The following SPOUT1 variants were observed in gnomAD, a reference collection of about 807,000 sequenced individuals.
SPOUT1 encodes 28S rRNA (uridine-N(3))-methyltransferase.
SPOUT1 carries 40 observed loss-of-function variants against 54.8 expected under a neutral mutation model. The observed-to-expected ratio is 0.73, with a 90% confidence interval of 0.57 to 0.95. The LOEUF (loss-of-function observed/expected upper bound fraction) is 0.95. SPOUT1 is among the 40% of genes least tolerant of loss of function. The probability of loss-of-function intolerance (pLI) is 0.00; values close to 1 mark genes in which losing one functional copy is unlikely to be tolerated. For synonymous variants in SPOUT1, 193 were observed against 200.3 expected (o/e 0.96, Z 0.31); for missense variants, 437 against 499.5 (o/e 0.87, Z 1.19).
chr9:128,827,907 C>G (rs560402969), intron 3 of SPOUT1, among the ~76,000 whole-genome samples: 1 of 152,076 alleles, frequency 6.6e-6, no homozygotes, highest in Non-Finnish European at 1.5e-5. Flanking sequence ...GGCAACAGAG[C>G]GAGACTGTGT....
chr9:128,820,809 A>T lies in SPOUT1; in HGVS notation c.*1956T>A. The T allele has an allele frequency of 1.9e-6, 3 of 1,612,358 alleles. No individual in the cohort carries two copies. Among genetic ancestry groups the T allele is most frequent in the South Asian group, 1.1e-5 (1 of 90,598 alleles). ...AGCCGCAGCTTGACCCGCAGCTACC[A>T]AAACGTCTATGTCTGCACAGGGCCA... On this transcript the variant is annotated 3_prime_UTR_variant, in exon 12 of 12. Transcript: ENST00000361256.
chr9:128,822,194 C>G lies in SPOUT1; in HGVS notation c.*571G>C. 1 of 1,053,206 alleles carries G rather than the reference C, an allele frequency of 9.5e-7. No homozygotes were observed. Among genetic ancestry groups the G allele is most frequent in the Middle Eastern group, 3.1e-4 (1 of 3,230 alleles). The allele number at this position is 1,053,206 out of a possible 1,614,324, so 65.2% of individuals were successfully genotyped here. ...CCTCAAGGAGGAGCCAGGCAGGCTACAGAAGTCTCACAGTGAGGGCGTGGT... is the reference window on the plus strand; with the variant it reads ...CCTCAAGGAGGAGCCAGGCAGGCTAGAGAAGTCTCACAGTGAGGGCGTGGT... On this transcript the variant is annotated 3_prime_UTR_variant, in exon 12 of 12. Transcript: ENST00000361256.
At chr9:128,828,520 G>A (rs1830284811) in intron 3 of SPOUT1, among the ~76,000 whole-genome samples, 1 of 150,422 alleles carries the variant, frequency 6.6e-6, no homozygotes, top group Admixed American at 6.6e-5. Flanking sequence ...AGAGAGATAA[G>A]GCTTGCCTTC....
chr9:128,827,273 C>G (rs139189503), intron 3 of SPOUT1, 82 bp from the exon 4 acceptor site: 2 of 1,343,452 alleles, frequency 1.5e-6, no homozygotes, highest in Non-Finnish European at 2.0e-6. Context: ...TCCCTAGCGC[C>G]CATGGTTTGA....
At chr9:128,822,906 G>A (rs1429054619) in intron 11 of SPOUT1, 73 bp from the exon 12 acceptor site, 9 of 1,162,644 alleles carry the variant, frequency 7.7e-6, no homozygotes, top group Admixed American at 2.3e-5. Flanking sequence ...CCTGTCTTCA[G>A]TGCCTGGCTG....
In SPOUT1 at chr9:128,828,747, T is replaced by TCTCTGCCGCTGCCTCCTC. The variant is rs1372720425; in HGVS notation, c.178_195dup (p.Glu60_Glu65dup). On this transcript the variant is annotated inframe_insertion, in exon 3 of 12. Transcript: ENST00000361256. Reference sequence around the variant, plus strand: ...GACCCCAGCTCACCGCGGTCCTCCTTCTCTGCCGCTGCCTCCTCCTCTTCC... The same window carrying TCTCTGCCGCTGCCTCCTC: ...GACCCCAGCTCACCGCGGTCCTCCTTCTCTGCCGCTGCCTCCTCCTCTGCCGCTGCCTCCTCCTCTTCC... 6.2e-7 allele frequency: 1 copy of TCTCTGCCGCTGCCTCCTC among 1,613,846 alleles called. No individual in the cohort carries two copies. Among genetic ancestry groups the TCTCTGCCGCTGCCTCCTC allele is most frequent in the Non-Finnish European group, 8.5e-7 (1 of 1,180,022 alleles).
Position 128,820,575 on chromosome 9 carries a change from C to T in SPOUT1, c.*2190G>A. On this transcript the variant is annotated 3_prime_UTR_variant, in exon 12 of 12. Transcript: ENST00000361256. ...GGTGGTGGCTAGCACTCTATCAGCCCTGGGTTTCAGGGAGTGACTTTCATT... is the reference window on the plus strand; with the variant it reads ...GGTGGTGGCTAGCACTCTATCAGCCTTGGGTTTCAGGGAGTGACTTTCATT... 1.6e-6 allele frequency: 1 copy of T among 636,638 alleles called. No homozygotes were observed. Among genetic ancestry groups the T allele is most frequent in the South Asian group, 1.9e-5 (1 of 52,812 alleles). The allele number at this position is 636,638 out of a possible 1,614,324, so 39.4% of individuals were successfully genotyped here.
chr9:128,828,293 C>T (rs1197559101), intron 3 of SPOUT1, among the ~76,000 whole-genome samples: 1 of 152,054 alleles, frequency 6.6e-6, no homozygotes, highest in African/African-American at 2.4e-5. Flanking sequence ...GTCAGGAGTT[C>T]GAGACCGGCC....
At position 128,828,124 on chromosome 9, in the gene SPOUT1, TA is replaced by T. The variant is rs998725503; in HGVS notation, c.208+610del. ...AATCAAAATAATTGAAAAATGAAAT[TA>T]AAGCACACAGAAAATGCTCAATAAA... On this transcript the variant is annotated intron_variant, in intron 3 of 11. Coordinates refer to ENST00000361256, the MANE Select transcript of SPOUT1 (RefSeq NM_016390.4). Among the ~76,000 whole-genome samples the T allele has an allele frequency of 2.4e-4, 36 of 152,312 alleles. 1 individual carries two copies. The highest frequency in any genetic ancestry group is 8.7e-4 in the African/African-American group (36 of 41,560).
chr9:128,826,977 C>A lies in SPOUT1; in HGVS notation c.368+55G>T. ...GGGCCATGGTGAAGCCTCGGCCCAT[C>A]CCGGCAGCCCCTCCCTCTCCCTGAA... On this transcript the variant is annotated intron_variant, in intron 4 of 11. Transcript: ENST00000361256. The surrounding 1 kb of genome is among the most constrained non-coding windows in gnomAD (Gnocchi z 5.5). 6.4e-7 allele frequency: 1 copy of A among 1,571,696 alleles called. No individual in the cohort carries two copies. The highest frequency in any genetic ancestry group is 8.7e-7 in the Non-Finnish European group (1 of 1,149,610).
rs1188492912 is a variant in SPOUT1, at chr9:128,820,915, G to A, written c.*1850C>T. 14 of 1,419,442 alleles carry A rather than the reference G, an allele frequency of 9.9e-6. No individual in the cohort carries two copies. The highest frequency in any genetic ancestry group is 1.4e-5 in the Non-Finnish European group (14 of 1,027,286). 87.9% of individuals were successfully genotyped at this position (1,419,442 alleles called of 1,614,324 possible). ...CTGAGGCCCCTACTGCCACTCACAGGGCCAGGCTTGCCCCAGGCTCTGGGT... is the reference window on the plus strand; with the variant it reads ...CTGAGGCCCCTACTGCCACTCACAGAGCCAGGCTTGCCCCAGGCTCTGGGT... On this transcript the variant is annotated 3_prime_UTR_variant, in exon 12 of 12. Transcript: ENST00000361256.
intron 1 of SPOUT1, 81 bp downstream of exon 1, chr9:128,829,664 G>T: frequency 2.7e-6 from 3 of 1,120,464 alleles, no homozygotes; most frequent in Non-Finnish European, 3.9e-6. Flanking sequence ...GCGCGGCCCG[G>T]CCCCGGCGAA....
chr9:128,825,313 G>A (rs1830218705), intron 7 of SPOUT1, among the ~76,000 whole-genome samples: 1 of 144,036 alleles, frequency 6.9e-6, no homozygotes, highest in South Asian at 2.3e-4. Context: ...CTACATTTTG[G>A]TAGCTCTGCA....
Position 128,826,689 on chromosome 9 carries a change from T to C in SPOUT1, c.369-60A>G. On this transcript the variant is annotated intron_variant, in intron 4 of 11. Transcript: ENST00000361256. The surrounding 1 kb of genome is among the most constrained non-coding windows in gnomAD (Gnocchi z 5.5). ...TGTGGCCCCTTCAAGAGCTCCTGTC[T>C]ACAAGTGCACGCGTATAATCCCAGC... 1.6e-6 allele frequency: 2 copies of C among 1,230,908 alleles called. No homozygotes were observed. The highest frequency in any genetic ancestry group is 2.3e-6 in the Non-Finnish European group (2 of 875,654). 76.2% of individuals were successfully genotyped at this position (1,230,908 alleles called of 1,614,324 possible).
In SPOUT1 at chr9:128,822,805, A is replaced by T; in HGVS notation, c.1091T>A (p.Leu364Gln). Reference sequence around the variant, plus strand: ...ACCCGCCTGGATGAGGCCAGGCTGCAGGGCGGCCAGGGAGATGAGGATGGC... The same window carrying T: ...ACCCGCCTGGATGAGGCCAGGCTGCTGGGCGGCCAGGGAGATGAGGATGGC... ...EEAILISLAA[L>Q]QPGLIQAGAR... The change falls in exon 12 of 12, where the codon CTG becomes CAG. Residue 364 changes from leucine to glutamine, a missense_variant. Transcript: ENST00000361256. 1 of 1,591,250 alleles carries T rather than the reference A, an allele frequency of 6.3e-7. No individual in the cohort carries two copies. Among genetic ancestry groups the T allele is most frequent in the Non-Finnish European group, 8.6e-7 (1 of 1,168,022 alleles).
intron 1 of SPOUT1, 132 bp downstream of exon 1, chr9:128,829,613 G>A: frequency 1.4e-6 from 1 of 704,548 alleles, no homozygotes; most frequent in Non-Finnish European, 2.4e-6. Context: ...GCACCTTCGG[G>A]GGCTTCCGGC....
At chr9:128,822,878 G>T (rs747589955) in intron 11 of SPOUT1, 45 bp from the exon 12 acceptor site, 3 of 1,423,022 alleles carry the variant, frequency 2.1e-6, no homozygotes, top group East Asian at 2.5e-5. Flanking sequence ...GGGGGCTAGC[G>T]GGTGCCCCCG....
In SPOUT1 at chr9:128,822,559, C is replaced by A; in HGVS notation, c.*206G>T. On this transcript the variant is annotated 3_prime_UTR_variant, in exon 12 of 12. Coordinates refer to ENST00000361256, the MANE Select transcript of SPOUT1 (RefSeq NM_016390.4). ...CTTCGGGGCTGCTCTTTGTGCCAAA[C>A]ATCCTGGCGCGGGCAGGCAGCCTCA... 1 of 1,563,962 alleles carries A rather than the reference C, an allele frequency of 6.4e-7. No individual in the cohort carries two copies. The highest frequency in any genetic ancestry group is 8.7e-7 in the Non-Finnish European group (1 of 1,153,842).
At chr9:128,822,946 T>C (rs1564434509) in intron 11 of SPOUT1, 113 bp from the exon 12 acceptor site, 2 of 723,362 alleles carry the variant, frequency 2.8e-6, no homozygotes, top group Non-Finnish European at 4.5e-6. Flanking sequence ...GGGTCCCCTG[T>C]CCTTAGTAGG....
Sources: allele counts gnomAD v4.1 joint callset (sites outside exome capture counted in the v4.1 genomes callset), GRCh38; gene constraint gnomAD v4.1.1; non-coding constraint Gnocchi (gnomAD v3.1); transcripts MANE v1.5; gene names NCBI Gene and HGNC (gene_info 2026-07-23, HGNC 2026-07-21).